Variants in DIAPH2 observed in about 807,000 individuals in gnomAD.
DIAPH2 encodes the protein protein diaphanous homolog 2.
DIAPH2 carries 35 observed loss-of-function variants against 92.7 expected under a neutral mutation model. The observed-to-expected ratio is 0.38, with a 90% CI of 0.29 to 0.50. The LOEUF (loss-of-function observed/expected upper bound fraction) is 0.50. DIAPH2 is among the 20% of genes least tolerant of loss of function. DIAPH2 has a pLI of 0.94. For missense variants in DIAPH2, 701 were observed against 819.5 expected, an observed-to-expected ratio of 0.86 and a Z score of 1.77; for synonymous variants, 301 against 280.4, an observed-to-expected ratio of 1.07 and a Z score of -0.73.
Position 97,233,106 on chromosome X carries a change from G to A in DIAPH2, c.2720-14609G>A, listed in dbSNP as rs188151292. 3.1e-3 allele frequency among the ~76,000 whole-genome samples: 348 copies of A among 112,374 alleles called. 4 individuals carry two copies. The highest frequency in any genetic ancestry group is 4.9e-3 in the Non-Finnish European group (259 of 53,318). On this transcript the variant is annotated intron_variant, in intron 22 of 26. Transcript: ENST00000324765. Reference sequence around the variant, plus strand: ...ATAAAGCTCCATGGGGGCAAAGACAGTGGTTTGTTCCCCTCACTTCCTTGT... The same window carrying A: ...ATAAAGCTCCATGGGGGCAAAGACAATGGTTTGTTCCCCTCACTTCCTTGT...
chrX:97,586,601 C>CT (rs1326485394), intron 26 of DIAPH2, among the ~76,000 whole-genome samples: 1 of 111,622 alleles, frequency 9.0e-6, no homozygotes, highest in Non-Finnish European at 1.9e-5. Flanking sequence ...TTCACACACA[C>CT]TTTTTTTACC....
At chrX:97,314,130 TG>T (rs1164879315) in intron 23 of DIAPH2, among the ~76,000 whole-genome samples, 1 of 108,227 alleles carries the variant, frequency 9.2e-6, no homozygotes, top group African/African-American at 3.4e-5. Flanking sequence ...AAGGCCAGGC[TG>T]GGCATGGTGG....
chrX:96,710,337 C>A (rs2063910265), intron 1 of DIAPH2, among the ~76,000 whole-genome samples: 2 of 111,562 alleles, frequency 1.8e-5, no homozygotes, highest in African/African-American at 6.5e-5. Flanking sequence ...GACTTTTTGT[C>A]CAGGCTGTAT....
chrX:96,717,291 C>T (rs1346020200), intron 1 of DIAPH2, among the ~76,000 whole-genome samples: 1 of 111,012 alleles, frequency 9.0e-6, no homozygotes, highest in Non-Finnish European at 1.9e-5. Flanking sequence ...GTTGTTGGGT[C>T]GAGTCTTGTT....
intron 23 of DIAPH2, among the ~76,000 whole-genome samples, chrX:97,249,095 C>T (rs1369387103): frequency 9.4e-6 from 1 of 106,413 alleles, no homozygotes; most frequent in African/African-American, 3.4e-5. Context: ...GTTATATTGT[C>T]CTGTGCCTGG....
chrX:97,404,218 G>A (rs1393632916), intron 25 of DIAPH2, among the ~76,000 whole-genome samples: 2 of 111,908 alleles, frequency 1.8e-5, no homozygotes, highest in Non-Finnish European at 3.8e-5. Context: ...TTCCTGGCAA[G>A]TTCCATTATT....
At chrX:97,452,415 G>A (rs1352847709) in intron 26 of DIAPH2, among the ~76,000 whole-genome samples, 1 of 111,741 alleles carries the variant, frequency 8.9e-6, no homozygotes, top group Admixed American at 9.5e-5. Flanking sequence ...AGTGTCTAGG[G>A]TTTATCTTCA....
chrX:97,401,846 C>G (rs1442769881), intron 25 of DIAPH2, among the ~76,000 whole-genome samples: 3 of 112,534 alleles, frequency 2.7e-5, no homozygotes, highest in Non-Finnish European at 5.6e-5. Flanking sequence ...AACAGTAGAG[C>G]CAGGAGTAGC....
At chrX:97,308,076 A>G (rs1380368424) in intron 23 of DIAPH2, among the ~76,000 whole-genome samples, 2 of 110,778 alleles carry the variant, frequency 1.8e-5, no homozygotes, top group East Asian at 2.8e-4. Flanking sequence ...GGCAGATCTT[A>G]TAAGTTTATA....
At chrX:97,538,325 A>T (rs910349161) in intron 26 of DIAPH2, among the ~76,000 whole-genome samples, 3 of 112,103 alleles carry the variant, frequency 2.7e-5, no homozygotes, top group African/African-American at 9.7e-5. Context: ...TTATCTTTGT[A>T]CTAAATTATT....
At chrX:97,312,345 C>CATTTTTTTTTTTTTTTTTTTTTTT (rs202046146) in intron 23 of DIAPH2, among the ~76,000 whole-genome samples, 1 of 54,945 alleles carries the variant, frequency 1.8e-5, no homozygotes, top group Non-Finnish European at 3.1e-5. Flanking sequence ...CAATAGAATC[C>CATTTTTTTTTTTTTTTTTTTTTTT]TTTTTTTTTT....
intron 11 of DIAPH2, 63 bp downstream of exon 11, chrX:96,937,414 T>C: frequency 2.9e-6 from 2 of 697,173 alleles, no homozygotes; most frequent in Non-Finnish European, 2.1e-6. Context: ...TTGTGGGCGA[T>C]TTTGTGGAAC....
chrX:96,957,636 C>T (rs2065819932), intron 15 of DIAPH2, among the ~76,000 whole-genome samples, 192 bp from the exon 16 acceptor site: 1 of 111,253 alleles, frequency 9.0e-6, no homozygotes, highest in Non-Finnish European at 1.9e-5. Flanking sequence ...AAAAAATCTA[C>T]ACAGGCCTTT....
At chrX:96,857,146 C>G (rs1416858719) in intron 4 of DIAPH2, among the ~76,000 whole-genome samples, 1 of 111,445 alleles carries the variant, frequency 9.0e-6, no homozygotes. Context: ...GTAAAATATC[C>G]TTCTGAATTC....
intron 1 of DIAPH2, among the ~76,000 whole-genome samples, chrX:96,714,557 C>A (rs2063938892): frequency 9.0e-6 from 1 of 111,646 alleles, no homozygotes; most frequent in Non-Finnish European, 1.9e-5. Flanking sequence ...AGCCATCGCG[C>A]CTGGCCTGTG....
chrX:97,603,693 A>G lies in DIAPH2; in HGVS notation c.*4376A>G, dbSNP rs2071607034. ...GTTCATCATTTATTCAACTTTTCAC[A>G]CTACTGTAGTAGACAATTTAGATAG... On this transcript the variant is annotated 3_prime_UTR_variant, in exon 27 of 27. Transcript: ENST00000324765. The G allele has an allele frequency of 8.9e-6, 1 of 112,343 alleles. No individual in the cohort carries two copies. Among genetic ancestry groups the G allele is most frequent in the African/African-American group, 3.2e-5 (1 of 30,873 alleles). The allele number at this position is 112,343 out of a possible 1,213,427, so 9.3% of individuals were successfully genotyped here.
At chrX:97,582,426 A>G (rs2071446789) in intron 26 of DIAPH2, among the ~76,000 whole-genome samples, 1 of 101,149 alleles carries the variant, frequency 9.9e-6, no homozygotes, top group African/African-American at 3.6e-5. Flanking sequence ...TCCTTCACTT[A>G]TGAAGCTTAG....
intron 22 of DIAPH2, among the ~76,000 whole-genome samples, chrX:97,236,997 C>G (rs941762155): frequency 8.9e-6 from 1 of 111,750 alleles, no homozygotes; most frequent in Admixed American, 9.5e-5. Context: ...TTGTTTTCTA[C>G]CTGTTTGTTC....
At position 97,460,121 on chromosome X, in the gene DIAPH2, G is replaced by A. The variant is rs556188107; in HGVS notation, c.3241+30376G>A. Reference sequence around the variant, plus strand: ...ATGGTGAACAAGCAGGGTTTTATTTGGTGAAAAGGAAGAAAAGGGGGAAAC... The same window carrying A: ...ATGGTGAACAAGCAGGGTTTTATTTAGTGAAAAGGAAGAAAAGGGGGAAAC... On this transcript the variant is annotated intron_variant, in intron 26 of 26. Transcript: ENST00000324765. Among the ~76,000 whole-genome samples, 7 of 111,111 alleles carry A rather than the reference G, an allele frequency of 6.3e-5. 1 individual carries two copies. In the South Asian group the frequency reaches 2.7e-3, roughly 42 times the overall value.
Sources: allele counts gnomAD v4.1 joint callset (sites outside exome capture counted in the v4.1 genomes callset), GRCh38; gene constraint gnomAD v4.1.1; transcripts MANE v1.5; gene names NCBI Gene and HGNC (gene_info 2026-07-23, HGNC 2026-07-21).